The following SLC30A3 variants were observed in gnomAD, a reference collection of about 807,000 sequenced individuals.
SLC30A3 encodes the protein probable proton-coupled zinc antiporter SLC30A3.
A neutral mutation model predicts 35.6 loss-of-function variants in SLC30A3; 20 were observed. That is an observed-to-expected ratio of 0.56 (90% CI 0.39 to 0.82). The LOEUF (loss-of-function observed/expected upper bound fraction) is 0.82, where lower values mean the gene tolerates loss of function less well. SLC30A3 is among the 40% of genes least tolerant of loss of function. SLC30A3 has a pLI of 0.00. For synonymous variants in SLC30A3, 217 were observed against 224.7 expected (o/e 0.97, Z 0.31); for missense variants, 401 against 530.6 (o/e 0.76, Z 2.40).
chr2:27,264,038 G>A, upstream of SLC30A3: 1 of 1,288,500 alleles, frequency 7.8e-7, no homozygotes, highest in Non-Finnish European at 1.0e-6. This position sits in a 1 kb window ranked among gnomAD's most constrained non-coding sequence, Gnocchi z 6.1. Flanking sequence ...GCCTCAAGTC[G>A]AAGCTTCAAA....
rs1676754604 is a variant in SLC30A3 at position 27,254,976 on chromosome 2, T to C, written c.*336A>G. The C allele has an allele frequency of 5.3e-6, 5 of 937,294 alleles. No homozygotes were observed. The highest frequency in any genetic ancestry group is 5.1e-5 in the South Asian group (3 of 58,446). The allele number at this position is 937,294 out of a possible 1,614,324, so 58.1% of individuals were successfully genotyped here. ...CCAGCCAGCCTGCCACACAGACAAATGGACTGCAGGGAAAGGATGTTCGTG... is the reference window on the plus strand; with the variant it reads ...CCAGCCAGCCTGCCACACAGACAAACGGACTGCAGGGAAAGGATGTTCGTG... On this transcript the variant is annotated 3_prime_UTR_variant, in exon 8 of 8. Transcript: ENST00000233535.
In SLC30A3 at chr2:27,262,926, T is replaced by C; in HGVS notation, c.-20A>G. The stretch of plus-strand genomic sequence containing the variant: ...CTCCATGTTCCCGGTGCCCCGACCG[T>C]CTAGGCCCCACCGAGGAAGAGAGAG... On this transcript the variant is annotated 5_prime_UTR_variant, in exon 1 of 8. Transcript: ENST00000233535. The surrounding 1 kb of genome is among the most constrained non-coding windows in gnomAD (Gnocchi z 7.5). The C allele has an allele frequency of 6.5e-7, 1 of 1,537,858 alleles. No individual in the cohort carries two copies. The highest frequency in any genetic ancestry group is 1.5e-5 in the African/African-American group (1 of 68,598).
chr2:27,257,789 G>A lies in SLC30A3; in HGVS notation c.578+116C>T. On this transcript the variant is annotated intron_variant, in intron 4 of 7. Coordinates refer to ENST00000233535, the MANE Select transcript of SLC30A3 (RefSeq NM_003459.5). This position sits in a 1 kb window ranked among gnomAD's most constrained non-coding sequence, Gnocchi z 4.7. ...AGGCACACGCAGGGCAGCCCATGGA[G>A]AGCTGTGTGTGCGTGTCTGTGTGTC... The A allele has an allele frequency of 2.9e-6, 3 of 1,046,548 alleles. No individual in the cohort carries two copies. Among genetic ancestry groups the A allele is most frequent in the Admixed American group, 4.4e-5 (2 of 45,830 alleles). 64.8% of individuals were successfully genotyped at this position (1,046,548 alleles called of 1,614,324 possible). A position where few individuals can be genotyped will look rare whatever the true frequency, so the allele number is the denominator to read the frequency against.
upstream of SLC30A3, among the ~76,000 whole-genome samples, chr2:27,265,399 C>G (rs886747694): frequency 6.6e-6 from 1 of 152,256 alleles, no homozygotes; most frequent in Non-Finnish European, 1.5e-5. The surrounding 1 kb of genome is among the most constrained non-coding windows in gnomAD (Gnocchi z 5.9). Flanking sequence ...ACCTGTTCCT[C>G]AAAGAGCTAT....
chr2:27,258,944 G>A lies in SLC30A3; in HGVS notation c.96-10C>T, dbSNP rs886892243. 5.1e-6 allele frequency: 8 copies of A among 1,574,642 alleles called. No homozygotes were observed. Among genetic ancestry groups the A allele is most frequent in the African/African-American group, 1.4e-5 (1 of 73,876 alleles). On this transcript the variant is annotated splice_polypyrimidine_tract_variant and intron_variant, in intron 1 of 7. Transcript: ENST00000233535. This position sits in a 1 kb window ranked among gnomAD's most constrained non-coding sequence, Gnocchi z 4.0. ...GGGCTCTGTGAAGAGACTGAGGCAA[G>A]CAACATGGTTCAACCTGGGCCTGGC...
At chr2:27,274,713 C>G (rs1677924770) in intron 1 of SLC30A3, among the ~76,000 whole-genome samples, 1 of 151,824 alleles carries the variant, frequency 6.6e-6, no homozygotes, top group South Asian at 2.1e-4. Flanking sequence ...ATCATTTCGA[C>G]CCAATAATTC....
In SLC30A3 at chr2:27,255,471, G is replaced by A. The variant is rs774307211; in HGVS notation, c.1019-11C>T. The stretch of plus-strand genomic sequence containing the variant: ...GGTCAGCGGTGGAGTCTGTGGGAGA[G>A]TGATAAGAGGCGGCATCCATCCCGG... On this transcript the variant is annotated splice_polypyrimidine_tract_variant and intron_variant, in intron 7 of 7. Coordinates refer to ENST00000233535, the MANE Select transcript of SLC30A3 (RefSeq NM_003459.5). This position sits in a 1 kb window ranked among gnomAD's most constrained non-coding sequence, Gnocchi z 5.2. 5.0e-6 allele frequency: 8 copies of A among 1,611,910 alleles called. No homozygotes were observed. In the Admixed American group the frequency reaches 6.7e-5, roughly 14 times the overall value.
chr2:27,256,032 C>A, intron 7 of SLC30A3: 1 of 297,262 alleles, frequency 3.4e-6, no homozygotes, highest in Non-Finnish European at 6.4e-6. Context: ...TCATTTTTAA[C>A]AGTTATGTGA....
At chr2:27,268,964 T>C (rs1211155159) in intron 1 of SLC30A3, among the ~76,000 whole-genome samples, 5 of 151,998 alleles carry the variant, frequency 3.3e-5, no homozygotes, top group Non-Finnish European at 7.4e-5. Flanking sequence ...GCCAGTGTGA[T>C]ATGGAAATCC....
In SLC30A3 at chr2:27,258,572, G is replaced by A; in HGVS notation, c.277+181C>T. On this transcript the variant is annotated intron_variant, in intron 2 of 7. Transcript: ENST00000233535. This position sits in a 1 kb window ranked among gnomAD's most constrained non-coding sequence, Gnocchi z 4.0. ...GACCTACTGGCCCCGGACCTCGGCT[G>A]GAATTCCCTTTGTTGCTGTCCCTTA... The A allele has an allele frequency of 2.8e-6, 2 of 719,462 alleles. No individual in the cohort carries two copies. Among genetic ancestry groups the A allele is most frequent in the East Asian group, 2.8e-5 (1 of 36,230 alleles). The allele number at this position is 719,462 out of a possible 1,614,324, so 44.6% of individuals were successfully genotyped here.
In SLC30A3 at chr2:27,255,189, G is replaced by T. The variant is rs1223132795; in HGVS notation, c.*123C>A. On this transcript the variant is annotated 3_prime_UTR_variant, in exon 8 of 8. Transcript: ENST00000233535. This position sits in a 1 kb window ranked among gnomAD's most constrained non-coding sequence, Gnocchi z 5.2. Reference sequence around the variant, plus strand: ...CTGAGGCTGGGGAAACTGGCAGGTGGTAGGAGGGAGAGAGGAAGGGGTATG... The same window carrying T: ...CTGAGGCTGGGGAAACTGGCAGGTGTTAGGAGGGAGAGAGGAAGGGGTATG... The T allele has an allele frequency of 6.3e-7, 1 of 1,596,838 alleles. No homozygotes were observed. Among genetic ancestry groups the T allele is most frequent in the African/African-American group, 1.3e-5 (1 of 74,870 alleles).
chr2:27,275,070 A>T, intron 1 of SLC30A3: 1 of 602,200 alleles, frequency 1.7e-6, no homozygotes, highest in Non-Finnish European at 2.8e-6. Context: ...CAGGTTGTGG[A>T]GGTGTTTCCG....
rs1572481020 is a variant in SLC30A3, at chr2:27,262,569, C to T, written c.95+243G>A. ...GGAGGGGTCCGGCGGCCTGGGACGC[C>T]GGCCGGAGGGGAGTGAGAGGCCGCT... On this transcript the variant is annotated intron_variant, in intron 1 of 7. Coordinates refer to ENST00000233535, the MANE Select transcript of SLC30A3 (RefSeq NM_003459.5). The surrounding 1 kb of genome is among the most constrained non-coding windows in gnomAD (Gnocchi z 7.5). 6.6e-6 allele frequency among the ~76,000 whole-genome samples: 1 copy of T among 152,042 alleles called. No individual in the cohort carries two copies. The highest frequency in any genetic ancestry group is 1.5e-5 in the Non-Finnish European group (1 of 67,968).
At position 27,257,280 on chromosome 2, in the gene SLC30A3, C is replaced by T. The variant is rs1353403483; in HGVS notation, c.651G>A (p.Leu217=). The change falls in exon 5 of 8, where the codon CTG becomes CTA. Residue 217 remains leucine (L), a synonymous_variant. Coordinates refer to ENST00000233535, the MANE Select transcript of SLC30A3 (RefSeq NM_003459.5). The surrounding 1 kb of genome is among the most constrained non-coding windows in gnomAD (Gnocchi z 4.7). ...HGSRGAEYAP[L]EEGPEEPLPL... ...GCAGGGGCTCTTCAGGCCCCTCCTC[C>T]AGCGGTGCATACTCTGCTCCCCTAG... 1.9e-6 allele frequency: 3 copies of T among 1,614,064 alleles called. No individual in the cohort carries two copies. The highest frequency in any genetic ancestry group is 2.5e-6 in the Non-Finnish European group (3 of 1,179,970).
In SLC30A3 at chr2:27,255,634, G is replaced by A. The variant is rs1676805544; in HGVS notation, c.1019-174C>T. 1 of 670,712 alleles carries A rather than the reference G, an allele frequency of 1.5e-6. No homozygotes were observed. The highest frequency in any genetic ancestry group is 2.5e-6 in the Non-Finnish European group (1 of 398,034). The allele number at this position is 670,712 out of a possible 1,614,324, so 41.5% of individuals were successfully genotyped here. On this transcript the variant is annotated intron_variant, in intron 7 of 7. Transcript: ENST00000233535. This position sits in a 1 kb window ranked among gnomAD's most constrained non-coding sequence, Gnocchi z 5.2. ...AAAGTGTCAAATCAAATGTTGGAGAGACTCACCCCAATCAACCATGCTAAC... is the reference window on the plus strand; with the variant it reads ...AAAGTGTCAAATCAAATGTTGGAGAAACTCACCCCAATCAACCATGCTAAC...
At position 27,256,830 on chromosome 2, in the gene SLC30A3, T is replaced by C; in HGVS notation, c.841A>G (p.Thr281Ala). 1 of 1,605,734 alleles carries C rather than the reference T, an allele frequency of 6.2e-7. No homozygotes were observed. Among genetic ancestry groups the C allele is most frequent in the Non-Finnish European group, 8.5e-7 (1 of 1,178,062 alleles). The change falls in exon 6 of 8, where the codon ACC becomes GCC. Residue 281 changes from threonine (T) to alanine (A), a missense_variant. Physicochemically the swap from Thr to Ala is moderately conservative, Grantham distance 58. This residue lies in a region of SLC30A3 where 296 missense variants were observed against 392.6 expected (regional missense o/e 0.75). Transcript: ENST00000233535. ...AGAACGTCTCGGAGGGTGGGAGCGG[T>C]GGATCCAAGGGCACAGATGGAGAAG... ...FLFSICALGS[T>A]APTLRDVLRI... is the part of the protein sequence containing the mutation.
chr2:27,260,885 G>C (rs966490305), intron 1 of SLC30A3, among the ~76,000 whole-genome samples: 1 of 152,198 alleles, frequency 6.6e-6, no homozygotes, highest in Admixed American at 6.5e-5. Flanking sequence ...CTGTGAAACC[G>C]ATCCTCATTC....
chr2:27,256,340 T>A (rs772874344), intron 7 of SLC30A3, 46 bp downstream of exon 7: 2 of 1,601,254 alleles, frequency 1.2e-6, no homozygotes, highest in African/African-American at 2.7e-5. Context: ...ATGTTTGGGG[T>A]GGGGTATGTT....
rs1445279270 is a variant in SLC30A3, at chr2:27,254,490, G to A, written c.*822C>T. 6.5e-6 allele frequency: 1 copy of A among 152,864 alleles called. No individual in the cohort carries two copies. The highest frequency in any genetic ancestry group is 1.5e-5 in the Non-Finnish European group (1 of 68,238). The allele number at this position is 152,864 out of a possible 1,614,324, so 9.5% of individuals were successfully genotyped here. A position where few individuals can be genotyped will look rare whatever the true frequency, so the allele number is the denominator to read the frequency against. ...TGTGGGAGGTCACTCCAGAGGCTGG[G>A]AAGGGACAGGAGGGATTCTGTTGTT... On this transcript the variant is annotated 3_prime_UTR_variant, in exon 8 of 8. Transcript: ENST00000233535.
Sources: gnomAD v4.1 joint callset for allele counts (sites outside exome capture counted in the v4.1 genomes callset) on GRCh38, gnomAD v4.1.1 for gene constraint, gnomAD v4.1.1 regional missense constraint, Gnocchi (gnomAD v3.1) non-coding constraint, MANE v1.5 for transcripts, NCBI Gene and HGNC (gene_info 2026-07-23, HGNC 2026-07-21) for gene names.